The following SMARCA2 variants were observed in gnomAD, a reference collection of about 807,000 sequenced individuals.
SMARCA2 encodes SWI/SNF-related matrix-associated actin-dependent regulator of chromatin subfamily A member 2.
A neutral mutation model predicts 199.8 loss-of-function variants in SMARCA2; 61 were observed. That is an observed-to-expected ratio of 0.31 (90% CI 0.25 to 0.38). The LOEUF (loss-of-function observed/expected upper bound fraction) is 0.38. Ranked by LOEUF, SMARCA2 falls within the 10% of genes least tolerant of loss-of-function variation. The pLI is 1.00. For missense variants in SMARCA2, 1,344 were observed against 2,012.2 expected, an observed-to-expected ratio of 0.67 and a Z score of 6.35; for synonymous variants, 935 against 732.0, an observed-to-expected ratio of 1.28 and a Z score of -4.48.
Position 2,086,834 on chromosome 9 carries a change from G to A in SMARCA2, c.2532G>A (p.Arg844=), listed in dbSNP as rs1029701024. 12 of 1,613,918 alleles carry A rather than the reference G, an allele frequency of 7.4e-6. No individual in the cohort carries two copies. The Admixed American group carries it at 1.2e-4, about 16-fold the overall frequency. ...TCCTTCCTCTTGTGTTATAGATTCG[G>A]TGGAAATACATGATAGTGGACGAAG... ...IKDKHILAKI[R]WKYMIVDEGH... is the part of the protein sequence containing the mutation. Residue 844 remains arginine, a synonymous_variant, in exon 18 of 34, where the codon CGG becomes CGA. Coordinates refer to ENST00000349721, the MANE Select transcript of SMARCA2 (RefSeq NM_003070.5). The surrounding 1 kb of genome is among the most constrained non-coding windows in gnomAD (Gnocchi z 4.3).
chr9:2,144,487 C>T (rs936018407), intron 27 of SMARCA2, among the ~76,000 whole-genome samples: 1 of 152,114 alleles, frequency 6.6e-6, no homozygotes. Flanking sequence ...TTCTGAGTCC[C>T]GACAAGGTCA....
chr9:2,071,166 C>T (rs1358447311), intron 10 of SMARCA2, among the ~76,000 whole-genome samples: 1 of 152,184 alleles, frequency 6.6e-6, no homozygotes, highest in African/African-American at 2.4e-5. Context: ...CTTGGAGGAT[C>T]AGAGTGGGTG....
intron 31 of SMARCA2, among the ~76,000 whole-genome samples, chr9:2,182,701 G>A (rs779323720): frequency 1.3e-5 from 2 of 151,946 alleles, no homozygotes. Context: ...CACCATGTTG[G>A]CCAGGCTGGT....
At position 2,077,697 on chromosome 9, in the gene SMARCA2, A is replaced by G; in HGVS notation, c.2105A>G (p.Tyr702Cys). 1 of 1,614,016 alleles carries G rather than the reference A, an allele frequency of 6.2e-7. No homozygotes were observed. The highest frequency in any genetic ancestry group is 8.5e-7 in the Non-Finnish European group (1 of 1,179,906). Residue 702 changes from tyrosine to cysteine, a missense_variant, in exon 14 of 34, where the codon TAC (tyrosine) becomes TGC (cysteine). Around this residue, in one of 18 missense-constraint regions of SMARCA2, gnomAD observed 106 missense variants for 179.7 expected, o/e 0.59. Coordinates refer to ENST00000349721, the MANE Select transcript of SMARCA2 (RefSeq NM_003070.5). ...QYSARGSQSY[Y>C]TVAHAISERV... ...AGTGCCAGGGGCTCCCAGTCCTACT[A>G]CACCGTGGCTCATGCCATCTCGGAG...
rs1395862678 is a variant in SMARCA2, at chr9:2,047,361, C to G, written c.923C>G (p.Pro308Arg). The change falls in exon 5 of 34, where the codon CCG becomes CGG. Residue 308 changes from proline to arginine, a missense_variant. Pro to Arg is a moderately radical substitution (Grantham distance 103). Around this residue, in one of 18 missense-constraint regions of SMARCA2, gnomAD observed 155 missense variants for 260.0 expected, o/e 0.60. Transcript: ENST00000349721. ...GCCGCAGTGCCCGGGCCCTCAGTGC[C>G]GCAGCCGGCCCCGGGGCAGCCCTCG... ...PAAAVPGPSV[P>R]QPAPGQPSPV... The G allele has an allele frequency of 5.3e-6, 8 of 1,501,658 alleles. No homozygotes were observed. The highest frequency in any genetic ancestry group is 7.1e-6 in the Non-Finnish European group (8 of 1,122,410). The allele number at this position is 1,501,658 out of a possible 1,614,324, so 93.0% of individuals were successfully genotyped here.
At chr9:2,024,781 C>T (rs530130602) in intron 1 of SMARCA2, among the ~76,000 whole-genome samples, 4 of 152,180 alleles carry the variant, frequency 2.6e-5, no homozygotes, top group South Asian at 2.1e-4. Context: ...ATTCTGCCTG[C>T]GGTTTCTCTC....
Position 2,192,961 on chromosome 9 carries a change from G to A in SMARCA2, c.*222G>A. On this transcript the variant is annotated 3_prime_UTR_variant, in exon 34 of 34. Transcript: ENST00000349721. ...ATATTGTGACCAAATGGGCCTCAAA[G>A]ATTCAGATTGAAACAAACAAAAAGC... 1 of 501,408 alleles carries A rather than the reference G, an allele frequency of 2.0e-6. No individual in the cohort carries two copies. Among genetic ancestry groups the A allele is most frequent in the Non-Finnish European group, 3.5e-6 (1 of 285,218 alleles). The allele number at this position is 501,408 out of a possible 1,614,324, so 31.1% of individuals were successfully genotyped here.
intron 27 of SMARCA2, among the ~76,000 whole-genome samples, chr9:2,132,584 C>T (rs144664880): frequency 0.025 from 3,736 of 152,142 alleles, 91 homozygotes; most frequent in Non-Finnish European, 0.032. Context: ...AACATGGACC[C>T]TTTTTTCTTT....
intron 13 of SMARCA2, 50 bp from the exon 14 acceptor site, chr9:2,077,579 C>G (rs79697945): frequency 4.7e-5 from 74 of 1,568,820 alleles, no homozygotes; most frequent in Non-Finnish European, 6.2e-5. Flanking sequence ...AGTAAAACAA[C>G]ACATGCACGC....
chr9:2,170,482 T>C lies in SMARCA2; in HGVS notation c.4253+10T>C. On this transcript the variant is annotated intron_variant, in intron 29 of 33. Coordinates refer to ENST00000349721, the MANE Select transcript of SMARCA2 (RefSeq NM_003070.5). The surrounding 1 kb of genome is among the most constrained non-coding windows in gnomAD (Gnocchi z 4.7). ...AAATAGAAGGAAACAGGTCAGGATC[T>C]GTCTTGTATTCCCCTATCTCTAAAT... 7 of 1,614,106 alleles carry C rather than the reference T, an allele frequency of 4.3e-6. No homozygotes were observed. The highest frequency in any genetic ancestry group is 5.9e-6 in the Non-Finnish European group (7 of 1,179,952).
chr9:2,065,230 T>G (rs1459110887), intron 9 of SMARCA2, among the ~76,000 whole-genome samples: 1 of 152,146 alleles, frequency 6.6e-6, no homozygotes, highest in Non-Finnish European at 1.5e-5. Flanking sequence ...TCCAGAGCCG[T>G]TGACATCAGC....
At chr9:2,083,554 T>C (rs1586687118) in intron 16 of SMARCA2, 141 bp downstream of exon 16, 3 of 538,906 alleles carry the variant, frequency 5.6e-6, no homozygotes, top group Non-Finnish European at 9.9e-6. Context: ...TGAGAGTTAA[T>C]CATCCCAAGA....
chr9:2,191,289 A>C lies in SMARCA2; in HGVS notation c.4618A>C (p.Lys1540Gln), dbSNP rs762808945. 6 of 1,614,006 alleles carry C rather than the reference A, an allele frequency of 3.7e-6. No individual in the cohort carries two copies. In the South Asian group the frequency reaches 6.6e-5, roughly 18 times the overall value. The change falls in exon 33 of 34, where the codon AAG becomes CAG. Residue 1540 changes from lysine to glutamine, a missense_variant. Physicochemically the swap from Lys to Gln is moderately conservative, Grantham distance 53. This residue lies in a region of SMARCA2 where 155 missense variants were observed against 121.1 expected (regional missense o/e 1.28). Transcript: ENST00000349721. ...SEAKSVKVKI[K>Q]LNKKDDKGRD... The stretch of plus-strand genomic sequence containing the variant: ...AGCAAAATCAGTCAAGGTGAAAATT[A>C]AGCTCAATAAAAAAGATGACAAAGG...
chr9:2,139,791 A>G (rs1824379177), intron 27 of SMARCA2, among the ~76,000 whole-genome samples: 1 of 152,204 alleles, frequency 6.6e-6, no homozygotes, highest in Admixed American at 6.5e-5. Flanking sequence ...TTGTAACATC[A>G]GGGAAAAATA....
intron 27 of SMARCA2, among the ~76,000 whole-genome samples, chr9:2,148,802 C>G (rs1824894968): frequency 6.6e-6 from 1 of 151,402 alleles, no homozygotes; most frequent in African/African-American, 2.4e-5. Flanking sequence ...AGCCACGGTG[C>G]CCAGCTTGTT....
intron 5 of SMARCA2, among the ~76,000 whole-genome samples, chr9:2,052,291 T>C (rs949298476): frequency 6.6e-6 from 1 of 152,166 alleles, no homozygotes; most frequent in Non-Finnish European, 1.5e-5. Flanking sequence ...CTGGCCAACA[T>C]GGCAAAACCC....
In SMARCA2 at chr9:2,065,184, C is replaced by CA. The variant is rs1219843223; in HGVS notation, c.1692+4208dup. Reference sequence around the variant, plus strand: ...TGGGCGACAGAGCGAGACTCTGTCTCAAAAAAAAAAGTCTAGCCATTTCAG... The same window carrying CA: ...TGGGCGACAGAGCGAGACTCTGTCTCAAAAAAAAAAAGTCTAGCCATTTCAG... On this transcript the variant is annotated intron_variant, in intron 9 of 33. Coordinates refer to ENST00000349721, the MANE Select transcript of SMARCA2 (RefSeq NM_003070.5). Among the ~76,000 whole-genome samples the CA allele has an allele frequency of 1.2e-3, 175 of 145,640 alleles. 1 individual carries two copies. Among genetic ancestry groups the CA allele is most frequent in the African/African-American group, 3.6e-3 (143 of 39,704 alleles).
chr9:2,134,337 G>C (rs7033143), intron 27 of SMARCA2, among the ~76,000 whole-genome samples: 21,334 of 152,082 alleles, frequency 0.14, 2,323 homozygotes, highest in African/African-American at 0.3. Context: ...CAGCCATTAA[G>C]TCTCTTTACC....
chr9:2,053,318 T>C (rs998082662), intron 5 of SMARCA2, among the ~76,000 whole-genome samples: 1 of 152,240 alleles, frequency 6.6e-6, no homozygotes, highest in Non-Finnish European at 1.5e-5. Flanking sequence ...TTCTTTTTTA[T>C]GGCTGTGCAT....
Sources: allele counts gnomAD v4.1 joint callset (sites outside exome capture counted in the v4.1 genomes callset), GRCh38; gene constraint gnomAD v4.1.1; regional missense constraint gnomAD v4.1.1; non-coding constraint Gnocchi (gnomAD v3.1); transcripts MANE v1.5; gene names NCBI Gene and HGNC (gene_info 2026-07-23, HGNC 2026-07-21).